LRRTM4: variants seen among roughly 807,000 people sequenced by gnomAD.
LRRTM4 encodes leucine-rich repeat transmembrane neuronal protein 4.
LRRTM4 carries 25 observed loss-of-function variants against 47.6 expected under a neutral mutation model. That is an observed-to-expected ratio of 0.53 (90% CI 0.38 to 0.73). LRRTM4 has a LOEUF of 0.73. Ranked by LOEUF, LRRTM4 falls within the 30% of genes least tolerant of loss-of-function variation. The pLI is 0.00. For synonymous variants in LRRTM4, 311 were observed against 269.5 expected (o/e 1.15, Z -1.51); for missense variants, 638 against 713.4 (o/e 0.89, Z 1.20).
chr2:76,887,036 C>T (rs1673099587), intron 3 of LRRTM4, among the ~76,000 whole-genome samples: 1 of 151,646 alleles, frequency 6.6e-6, no homozygotes, highest in Admixed American at 6.6e-5. Flanking sequence ...ATATGCATTG[C>T]TGTTATTATT....
intron 3 of LRRTM4, among the ~76,000 whole-genome samples, chr2:76,781,033 T>G (rs907747547): frequency 6.6e-6 from 1 of 152,246 alleles, no homozygotes; most frequent in Non-Finnish European, 1.5e-5. Context: ...GAGGTGTCAG[T>G]GTGCCCGTGC....
rs386390525 is a variant in LRRTM4 at position 77,083,783 on chromosome 2, C to CTTTTTTTTTTTTTTTTTT, written c.1552-334885_1552-334868dup. On this transcript the variant is annotated intron_variant, in intron 3 of 3. Transcript: ENST00000409884. ...ACTTCTCAATTTTTAACTGGACACA[C>CTTTTTTTTTTTTTTTTTT]TTTTTTTTTTTTTTTTTTTTTTTTT... 6.3e-4 allele frequency among the ~76,000 whole-genome samples: 33 copies of CTTTTTTTTTTTTTTTTTT among 52,346 alleles called. 8 individuals carry two copies. The highest frequency in any genetic ancestry group is 1.3e-3 in the Admixed American group (5 of 3,794). 34.3% of individuals were successfully genotyped at this position (52,346 alleles called of 152,430 possible).
chr2:77,288,870 G>A (rs1676738043), intron 3 of LRRTM4, among the ~76,000 whole-genome samples: 1 of 152,044 alleles, frequency 6.6e-6, no homozygotes, highest in Non-Finnish European at 1.5e-5. Flanking sequence ...CAATTGGGAT[G>A]GAGCCACAGA....
chr2:77,243,762 T>A (rs1388661015), intron 3 of LRRTM4, among the ~76,000 whole-genome samples: 2 of 119,448 alleles, frequency 1.7e-5, no homozygotes, highest in Non-Finnish European at 3.5e-5. Flanking sequence ...ATCCCTTTTT[T>A]TTTCTTTTTC....
chr2:77,080,227 A>G (rs1680486833), intron 3 of LRRTM4, among the ~76,000 whole-genome samples: 1 of 152,152 alleles, frequency 6.6e-6, no homozygotes, highest in Non-Finnish European at 1.5e-5. Context: ...AATTCTATGT[A>G]CATCTGATTT....
chr2:77,030,939 T>A (rs569950783), intron 3 of LRRTM4, among the ~76,000 whole-genome samples: 1 of 152,228 alleles, frequency 6.6e-6, no homozygotes, highest in Non-Finnish European at 1.5e-5. Flanking sequence ...CAACTGTCTC[T>A]CTTAATTTGC....
intron 3 of LRRTM4, among the ~76,000 whole-genome samples, chr2:77,266,397 T>A (rs543997476): frequency 6.6e-6 from 1 of 152,140 alleles, no homozygotes; most frequent in Non-Finnish European, 1.5e-5. Context: ...TGAGATCATA[T>A]CCTTTCATTT....
Position 76,747,854 on chromosome 2 carries a change from C to A in LRRTM4, c.*841G>T, listed in dbSNP as rs1239363143. The A allele has an allele frequency of 2.0e-5, 3 of 152,126 alleles. No individual in the cohort carries two copies. The highest frequency in any genetic ancestry group is 7.2e-5 in the African/African-American group (3 of 41,416). The allele number at this position is 152,126 out of a possible 1,614,324, so 9.4% of individuals were successfully genotyped here. A position where few individuals can be genotyped will look rare whatever the true frequency, so the allele number is the denominator to read the frequency against. ...CAGCTTGGCAGTTTCATTCATTGAG[C>A]CCATGGTCATATCTCTCTTATAGCC... On this transcript the variant is annotated 3_prime_UTR_variant, in exon 4 of 4. Coordinates refer to ENST00000409884, the MANE Select transcript of LRRTM4 (RefSeq NM_001134745.3).
intron 3 of LRRTM4, among the ~76,000 whole-genome samples, chr2:77,480,033 A>C (rs1677609346): frequency 6.6e-6 from 1 of 152,168 alleles, no homozygotes; most frequent in Admixed American, 6.5e-5. Context: ...TGATATCACC[A>C]CCATCTAGAG....
chr2:77,188,243 T>C lies in LRRTM4; in HGVS notation c.1551+330075A>G, dbSNP rs894991810. ...CCTTCTTAGAGACTACACTCATCTC[T>C]TGTTTTCTACTCCACCTTTATTTGC... On this transcript the variant is annotated intron_variant, in intron 3 of 3. Transcript: ENST00000409884. Among the ~76,000 whole-genome samples, 16 of 152,188 alleles carry C rather than the reference T, an allele frequency of 1.1e-4. No homozygotes were observed. In the East Asian group the frequency reaches 1.3e-3, roughly 13 times the overall value.
chr2:77,205,209 A>T (rs1674088223), intron 3 of LRRTM4, among the ~76,000 whole-genome samples: 1 of 152,212 alleles, frequency 6.6e-6, no homozygotes, highest in African/African-American at 2.4e-5. Context: ...TGAACATGAT[A>T]AATACAGCTT....
chr2:77,430,844 G>A (rs1421730204), intron 3 of LRRTM4, among the ~76,000 whole-genome samples: 1 of 148,468 alleles, frequency 6.7e-6, no homozygotes, highest in Non-Finnish European at 1.5e-5. Context: ...TAAGTTGGGG[G>A]ACTGAGTGGG....
chr2:77,508,952 CA>C (rs1164525870), intron 3 of LRRTM4, among the ~76,000 whole-genome samples: 1 of 152,064 alleles, frequency 6.6e-6, no homozygotes, highest in East Asian at 1.9e-4. Context: ...TTTCTAAGGC[CA>C]GGCCACAGCA....
rs555713402 is a variant in LRRTM4, at chr2:76,790,401, TTC to T, written c.1552-41487_1552-41486del. On this transcript the variant is annotated intron_variant, in intron 3 of 3. Transcript: ENST00000409884. ...TGGAAAGATCTTGATTAGGAACTAA[TTC>T]TCTCTGGACTCCTACTGCCTAGGTT... is the stretch of plus-strand genomic sequence containing the variant. Among the ~76,000 whole-genome samples the T allele has an allele frequency of 1.9e-3, 286 of 152,244 alleles. 4 individuals carry two copies. The highest frequency in any genetic ancestry group is 6.8e-3 in the Middle Eastern group (2 of 294).
At chr2:77,318,490 C>CA (rs1277833079) in intron 3 of LRRTM4, among the ~76,000 whole-genome samples, 3 of 152,166 alleles carry the variant, frequency 2.0e-5, no homozygotes, top group Non-Finnish European at 4.4e-5. Context: ...AGAACTGCTG[C>CA]AGGTCACGTT....
At chr2:77,111,643 G>A (rs1671252986) in intron 3 of LRRTM4, among the ~76,000 whole-genome samples, 1 of 152,026 alleles carries the variant, frequency 6.6e-6, no homozygotes, top group Non-Finnish European at 1.5e-5. Context: ...GGGTCTCCAT[G>A]GTGTCTATGC....
intron 3 of LRRTM4, among the ~76,000 whole-genome samples, chr2:77,322,554 C>A (rs1246421434): frequency 1.3e-5 from 2 of 151,842 alleles, no homozygotes; most frequent in African/African-American, 4.8e-5. Context: ...AAAATGCATT[C>A]ATACAAATTT....
rs1242481827 is a variant in LRRTM4, at chr2:77,519,620, G to A, written c.249C>T (p.Gly83=). Residue 83 remains glycine (G), a synonymous_variant, in exon 3 of 4, where the codon GGC becomes GGT. Transcript: ENST00000409884. The surrounding 1 kb of genome is among the most constrained non-coding windows in gnomAD (Gnocchi z 4.6). The stretch of plus-strand genomic sequence containing the variant: ...GATAAAGCCATATAAGCTGGTTAAG[G>A]CCGGCAAACTGATTGGATTTGAGCT... ...IQKLKSNQFA[G]LNQLIWLYLD... 1.9e-6 allele frequency: 3 copies of A among 1,613,416 alleles called. No homozygotes were observed. The highest frequency in any genetic ancestry group is 1.7e-5 in the Admixed American group (1 of 59,886).
At chr2:77,489,242 A>G (rs1216408496) in intron 3 of LRRTM4, among the ~76,000 whole-genome samples, 4 of 152,128 alleles carry the variant, frequency 2.6e-5, no homozygotes, top group African/African-American at 7.2e-5. Flanking sequence ...TGAAAATATT[A>G]CCCTTTGGGA....
Sources: gnomAD v4.1 joint callset for allele counts (sites outside exome capture counted in the v4.1 genomes callset) on GRCh38, gnomAD v4.1.1 for gene constraint, Gnocchi (gnomAD v3.1) non-coding constraint, MANE v1.5 for transcripts, NCBI Gene and HGNC (gene_info 2026-07-23, HGNC 2026-07-21) for gene names.